ZAP70: variants seen among roughly 807,000 people sequenced by gnomAD.
ZAP70 encodes zeta chain of T cell receptor associated protein kinase 70.
Under a neutral mutation model 65.8 loss-of-function variants are expected in ZAP70, and 27 were observed. That is an observed-to-expected ratio of 0.41 (90% confidence interval 0.30 to 0.57). The LOEUF (loss-of-function observed/expected upper bound fraction) is 0.57. ZAP70 is among the 20% of genes least tolerant of loss of function. The probability of loss-of-function intolerance (pLI) is 0.28; values close to 1 mark genes in which losing one functional copy is unlikely to be tolerated. For synonymous variants in ZAP70, 363 were observed against 360.8 expected, an observed-to-expected ratio of 1.01 and a Z score of -0.07; for missense variants, 696 against 870.5, an observed-to-expected ratio of 0.80 and a Z score of 2.52.
Position 97,737,384 on chromosome 2 carries a change from C to T in ZAP70, c.1290-89C>T, listed in dbSNP as rs11686881. On this transcript the variant is annotated intron_variant, in intron 10 of 13. Transcript: ENST00000264972. This position sits in a 1 kb window ranked among gnomAD's most constrained non-coding sequence, Gnocchi z 5.0. ...TTTTTGAACACATGGTCACCTGGCT[C>T]ATGCCCAGCTGGGTCAGAGAAGCAT... 465,413 of 1,419,926 alleles carry T rather than the reference C, an allele frequency of 0.33. 83,439 individuals carry two copies. The highest frequency in any genetic ancestry group is 0.36 in the Admixed American group (20,749 of 57,140). 88.0% of individuals were successfully genotyped at this position (1,419,926 alleles called of 1,614,324 possible).
chr2:97,721,091 G>A (rs917447725), intron 2 of ZAP70, among the ~76,000 whole-genome samples: 2 of 152,154 alleles, frequency 1.3e-5, no homozygotes, highest in Non-Finnish European at 2.9e-5. Context: ...GCTATGGAGA[G>A]GTATTTTTTC....
chr2:97,748,105 T>C, the ZAP70 span, among the ~76,000 whole-genome samples: 1 of 152,198 alleles, frequency 6.6e-6, no homozygotes, highest in Non-Finnish European at 1.5e-5. Context: ...ATGTGGCTTC[T>C]CTGCCTGACT....
At chr2:97,733,786 T>C (rs1677724863) in intron 8 of ZAP70, 191 bp downstream of exon 8, 4 of 687,514 alleles carry the variant, frequency 5.8e-6, no homozygotes, top group South Asian at 5.2e-5. Context: ...CGTCCCAGTG[T>C]GTACTGACGT....
chr2:97,722,651 AAC>A (rs1677206750), intron 2 of ZAP70, among the ~76,000 whole-genome samples: 1 of 152,202 alleles, frequency 6.6e-6, no homozygotes, highest in Non-Finnish European at 1.5e-5. Context: ...TGAAAATGTA[AAC>A]AGTTTCCTAG....
rs1181329607 is a variant in ZAP70 at position 97,734,727 on chromosome 2, G to A, written c.1082+15G>A. On this transcript the variant is annotated intron_variant, in intron 9 of 13. Transcript: ENST00000264972. ...CGCATGCGCAAGTATGGCCGCCCCT[G>A]CCGTGGTGGGAGCACCGCCGCCTGG... 6 of 1,612,720 alleles carry A rather than the reference G, an allele frequency of 3.7e-6. No individual in the cohort carries two copies. Among genetic ancestry groups the A allele is most frequent in the Non-Finnish European group, 5.1e-6 (6 of 1,179,856 alleles).
At chr2:97,743,426 T>C (rs932421404), downstream of ZAP70, among the ~76,000 whole-genome samples, 2 of 152,180 alleles carry the variant, frequency 1.3e-5, no homozygotes, top group African/African-American at 4.8e-5. Context: ...ATCTCCACGT[T>C]CCGGGTTCAA....
Position 97,739,673 on chromosome 2 carries a change from C to A in ZAP70, c.*175C>A. The A allele has an allele frequency of 9.4e-7, 1 of 1,062,056 alleles. No homozygotes were observed. The highest frequency in any genetic ancestry group is 1.3e-6 in the Non-Finnish European group (1 of 746,684). The allele number at this position is 1,062,056 out of a possible 1,614,324, so 65.8% of individuals were successfully genotyped here. A position where few individuals can be genotyped will look rare whatever the true frequency, so the allele number is the denominator to read the frequency against. ...TTGCCTGCCTGGCCCCCTGTCCTCTCTGGCTGGGGAGCAGGGAGGTCCGGG... is the reference window on the plus strand; with the variant it reads ...TTGCCTGCCTGGCCCCCTGTCCTCTATGGCTGGGGAGCAGGGAGGTCCGGG... On this transcript the variant is annotated 3_prime_UTR_variant, in exon 14 of 14. Coordinates refer to ENST00000264972, the MANE Select transcript of ZAP70 (RefSeq NM_001079.4).
chr2:97,740,692 G>A (rs192450057), downstream of ZAP70, among the ~76,000 whole-genome samples: 1 of 152,228 alleles, frequency 6.6e-6, no homozygotes, highest in Non-Finnish European at 1.5e-5. Context: ...TCTCCAGGTG[G>A]CGATGTTTCC....
intron 2 of ZAP70, among the ~76,000 whole-genome samples, chr2:97,719,249 C>A (rs1677066325): frequency 6.6e-6 from 1 of 151,230 alleles, no homozygotes. Context: ...GATGCCAGCA[C>A]CAACCGACCT....
downstream of ZAP70, among the ~76,000 whole-genome samples, chr2:97,742,340 C>T (rs1678152383): frequency 6.6e-6 from 1 of 152,232 alleles, no homozygotes; most frequent in South Asian, 2.1e-4. Flanking sequence ...TAGCATTTCT[C>T]TTGTAAGTGG....
Position 97,739,519 on chromosome 2 carries a change from C to T in ZAP70, c.*21C>T, listed in dbSNP as rs765253375. On this transcript the variant is annotated 3_prime_UTR_variant, in exon 14 of 14. Transcript: ENST00000264972. ...CCTGAGCTCCCGCTGCCCAGGGGAG[C>T]CCTCCACGCCGGCTCTTCCCCACCC... is the stretch of plus-strand genomic sequence containing the variant. The T allele has an allele frequency of 1.9e-6, 3 of 1,608,544 alleles. No individual in the cohort carries two copies. The East Asian group carries it at 6.7e-5, about 36-fold the overall frequency.
At chr2:97,740,571 A>G (rs897397799), downstream of ZAP70, among the ~76,000 whole-genome samples, 1 of 152,242 alleles carries the variant, frequency 6.6e-6, no homozygotes, top group African/African-American at 2.4e-5. Flanking sequence ...ATCTTATTTT[A>G]TAAGAAGGAG....
Position 97,725,149 on chromosome 2 carries a change from G to C in ZAP70, c.460G>C (p.Ala154Pro). 1 of 1,614,152 alleles carries C rather than the reference G, an allele frequency of 6.2e-7. No homozygotes were observed. The highest frequency in any genetic ancestry group is 8.5e-7 in the Non-Finnish European group (1 of 1,180,020). ...GGCCCCGCAGGTGGAGAAGCTCATTGCTACGACGGCCCACGAGCGGATGCC... is the reference window on the plus strand; with the variant it reads ...GGCCCCGCAGGTGGAGAAGCTCATTCCTACGACGGCCCACGAGCGGATGCC... The part of the protein sequence containing the change: ...SQAPQVEKLI[A>P]TTAHERMPWY... Residue 154 changes from alanine to proline, a missense_variant, in exon 4 of 14, where the codon GCT becomes CCT. Coordinates refer to ENST00000264972, the MANE Select transcript of ZAP70 (RefSeq NM_001079.4).
rs896394073 is a variant in ZAP70, at chr2:97,736,772, T to C, written c.1290-701T>C. Among the ~76,000 whole-genome samples, 8 of 151,812 alleles carry C rather than the reference T, an allele frequency of 5.3e-5. No individual in the cohort carries two copies. Among genetic ancestry groups the C allele is most frequent in the African/African-American group, 1.9e-4 (8 of 41,306 alleles). On this transcript the variant is annotated intron_variant, in intron 10 of 13. Transcript: ENST00000264972. The surrounding 1 kb of genome is among the most constrained non-coding windows in gnomAD (Gnocchi z 4.0). ...TGAGGTGGTCCCGTGCCTCGTGTGGTGCGGGCAGGGAGGGGATGAGCAGAC... is the reference window on the plus strand; with the variant it reads ...TGAGGTGGTCCCGTGCCTCGTGTGGCGCGGGCAGGGAGGGGATGAGCAGAC...
the ZAP70 span, among the ~76,000 whole-genome samples, chr2:97,745,235 C>A: frequency 6.6e-6 from 1 of 152,180 alleles, no homozygotes; most frequent in East Asian, 1.9e-4. Flanking sequence ...GATGGGGTTT[C>A]ACCATGTTGG....
intron 3 of ZAP70, 112 bp from the exon 4 acceptor site, chr2:97,724,980 C>CTAGG: frequency 6.4e-7 from 1 of 1,555,550 alleles, no homozygotes; most frequent in South Asian, 1.2e-5. Flanking sequence ...CTAACACGCG[C>CTAGG]TAGGGACGCC....
intron 8 of ZAP70, 96 bp from the exon 9 acceptor site, chr2:97,734,424 C>T: frequency 6.7e-7 from 1 of 1,483,290 alleles, no homozygotes; most frequent in Non-Finnish European, 8.9e-7. Flanking sequence ...CCAGGGACGG[C>T]ACCCTTGTCT....
At chr2:97,734,894 G>T (rs1677790874) in intron 9 of ZAP70, 182 bp downstream of exon 9, 1 of 861,092 alleles carries the variant, frequency 1.2e-6, no homozygotes, top group Non-Finnish European at 1.8e-6. Flanking sequence ...CCTGACGGGG[G>T]TGGGATGGGG....
chr2:97,715,467 G>T lies in ZAP70; in HGVS notation c.-22+1473G>T, dbSNP rs1030069818. Among the ~76,000 whole-genome samples the T allele has an allele frequency of 1.3e-5, 2 of 152,140 alleles. No individual in the cohort carries two copies. Among genetic ancestry groups the T allele is most frequent in the Admixed American group, 6.6e-5 (1 of 15,266 alleles). ...AGAGCCTGAGGCCCAGAGAGGGACCGCTGCTTGCTGAGGTCACACAGGCAG... is the reference window on the plus strand; with the variant it reads ...AGAGCCTGAGGCCCAGAGAGGGACCTCTGCTTGCTGAGGTCACACAGGCAG... On this transcript the variant is annotated intron_variant, in intron 2 of 13. Transcript: ENST00000264972. The surrounding 1 kb of genome is among the most constrained non-coding windows in gnomAD (Gnocchi z 4.1).
Sources: gnomAD v4.1 joint callset for allele counts (sites outside exome capture counted in the v4.1 genomes callset) on GRCh38, gnomAD v4.1.1 for gene constraint, Gnocchi (gnomAD v3.1) non-coding constraint, MANE v1.5 for transcripts, NCBI Gene and HGNC (gene_info 2026-07-23, HGNC 2026-07-21) for gene names.